MAGI2: variants seen among roughly 807,000 people sequenced by gnomAD.
The protein encoded by MAGI2 is membrane associated guanylate kinase, WW and PDZ domain containing 2, also known as membrane-associated guanylate kinase, WW and PDZ domain-containing protein 2.
In MAGI2, 35 loss-of-function variants were observed where a neutral mutation model predicts 133.3. The observed-to-expected ratio is 0.26, with a 90% CI of 0.20 to 0.35. The LOEUF (loss-of-function observed/expected upper bound fraction) is 0.35, where lower values mean the gene tolerates loss of function less well. MAGI2 is among the 10% of genes least tolerant of loss of function. The pLI is 1.00. For synonymous variants in MAGI2, 729 were observed against 710.6 expected (o/e 1.03, Z -0.41); for missense variants, 1,636 against 1,863.4 (o/e 0.88, Z 2.25).
intron 7 of MAGI2, among the ~76,000 whole-genome samples, chr7:78,367,928 CAGTT>C (rs1378454269): frequency 1.3e-5 from 2 of 152,058 alleles, no homozygotes; most frequent in East Asian, 3.8e-4. Flanking sequence ...TTTATTTTTG[CAGTT>C]AGAGATACCT....
intron 3 of MAGI2, among the ~76,000 whole-genome samples, chr7:78,573,247 AATAT>A (rs1218502563): frequency 2.2e-5 from 1 of 44,836 alleles, no homozygotes; most frequent in African/African-American, 1.0e-4. Context: ...TATATATATA[AATAT>A]ATATAAATAT....
intron 20 of MAGI2, among the ~76,000 whole-genome samples, chr7:78,108,693 T>C (rs1563131311): frequency 8.1e-6 from 1 of 122,970 alleles, no homozygotes; most frequent in Non-Finnish European, 2.0e-5. Flanking sequence ...TGTGAGTGTA[T>C]ACACACACAT....
At position 78,521,320 on chromosome 7, in the gene MAGI2, T is replaced by C. The variant is rs60845180; in HGVS notation, c.754+110A>G. Reference sequence around the variant, plus strand: ...GATGTAAGAAATATATATGTATATATTTATCTTACTATGTATCTGTATATA... The same window carrying C: ...GATGTAAGAAATATATATGTATATACTTATCTTACTATGTATCTGTATATA... On this transcript the variant is annotated intron_variant, in intron 4 of 21. Transcript: ENST00000354212. The C allele has an allele frequency of 0.042, 27,861 of 662,680 alleles. 1,006 individuals are homozygous for C. Among genetic ancestry groups the C allele is most frequent in the African/African-American group, 0.11 (6,067 of 55,044 alleles). The allele number at this position is 662,680 out of a possible 1,614,324, so 41.0% of individuals were successfully genotyped here.
chr7:78,465,307 A>C (rs1790505087), intron 6 of MAGI2, among the ~76,000 whole-genome samples: 2 of 152,286 alleles, frequency 1.3e-5, no homozygotes, highest in East Asian at 3.9e-4. Context: ...TAAATTATAG[A>C]CACTGGTATT....
At chr7:79,136,024 A>AGAAAGAAAGAAAGAAAGAAAGAAG (rs1554375928) in intron 1 of MAGI2, among the ~76,000 whole-genome samples, 4 of 127,018 alleles carry the variant, frequency 3.1e-5, no homozygotes, top group African/African-American at 1.5e-4. Context: ...AAAGAAAGAA[A>AGAAAGAAAGAAAGAAAGAAAGAAG]GAAGGAAAGA....
chr7:79,123,643 A>C (rs1309113504), intron 1 of MAGI2, among the ~76,000 whole-genome samples: 1 of 151,876 alleles, frequency 6.6e-6, no homozygotes, highest in Non-Finnish European at 1.5e-5. Context: ...AAAATTAGCC[A>C]GGCGTGGTGG....
At chr7:79,399,110 T>TTTTG (rs1554471869) in intron 1 of MAGI2, among the ~76,000 whole-genome samples, 2 of 146,208 alleles carry the variant, frequency 1.4e-5, no homozygotes, top group African/African-American at 2.6e-5. Context: ...TTTTTTTTTT[T>TTTTG]GGGAGATGGA....
intron 20 of MAGI2, among the ~76,000 whole-genome samples, chr7:78,110,311 C>G (rs1819226784): frequency 6.6e-6 from 1 of 152,184 alleles, no homozygotes; most frequent in Non-Finnish European, 1.5e-5. Flanking sequence ...GAGACTAATT[C>G]AGCTGATACC....
chr7:78,053,063 C>A (rs907028674), intron 21 of MAGI2, among the ~76,000 whole-genome samples: 1 of 152,116 alleles, frequency 6.6e-6, no homozygotes, highest in Non-Finnish European at 1.5e-5. Flanking sequence ...AAAATGGTTA[C>A]ATTTTTAAAA....
chr7:78,382,814 T>C (rs1200063483), intron 6 of MAGI2, among the ~76,000 whole-genome samples: 1 of 152,088 alleles, frequency 6.6e-6, no homozygotes, highest in Non-Finnish European at 1.5e-5. Flanking sequence ...TCTACCTCTA[T>C]ATGATCACAT....
At chr7:79,220,570 T>G (rs1366111527) in intron 1 of MAGI2, among the ~76,000 whole-genome samples, 1 of 151,874 alleles carries the variant, frequency 6.6e-6, no homozygotes, top group Non-Finnish European at 1.5e-5. Flanking sequence ...AAGAACCTCT[T>G]GGTTGGAAGT....
At chr7:78,785,712 T>C (rs910981740) in intron 2 of MAGI2, among the ~76,000 whole-genome samples, 2 of 152,214 alleles carry the variant, frequency 1.3e-5, no homozygotes, top group African/African-American at 4.8e-5. Flanking sequence ...TCTAACTTAT[T>C]TGAGCTAAGT....
intron 2 of MAGI2, among the ~76,000 whole-genome samples, chr7:78,943,743 G>A (rs1801178080): frequency 6.6e-6 from 1 of 152,022 alleles, no homozygotes; most frequent in South Asian, 2.1e-4. Flanking sequence ...TGCCTCGGTG[G>A]AGATAATTTC....
intron 3 of MAGI2, among the ~76,000 whole-genome samples, chr7:78,624,515 A>C (rs1409225106): frequency 6.6e-6 from 1 of 152,160 alleles, no homozygotes; most frequent in Non-Finnish European, 1.5e-5. Context: ...ATGGAGTCGG[A>C]AGCCATTGTC....
chr7:79,104,024 C>T (rs1178824188), intron 1 of MAGI2, among the ~76,000 whole-genome samples: 1 of 152,108 alleles, frequency 6.6e-6, no homozygotes, highest in African/African-American at 2.4e-5. Flanking sequence ...TAAGTGGTGG[C>T]TACATGGTTG....
At chr7:78,583,937 C>T (rs1803119724) in intron 3 of MAGI2, among the ~76,000 whole-genome samples, 1 of 152,156 alleles carries the variant, frequency 6.6e-6, no homozygotes, top group South Asian at 2.1e-4. Flanking sequence ...CATTGTCACC[C>T]TCTGCATTGA....
At chr7:78,570,123 A>G (rs371199970) in intron 3 of MAGI2, among the ~76,000 whole-genome samples, 6 of 152,212 alleles carry the variant, frequency 3.9e-5, no homozygotes, top group African/African-American at 7.2e-5. Context: ...TTTGGTGAAC[A>G]GATATGTACA....
intron 1 of MAGI2, among the ~76,000 whole-genome samples, chr7:79,368,025 C>T (rs756636939): frequency 2.0e-5 from 3 of 151,712 alleles, no homozygotes; most frequent in Non-Finnish European, 4.4e-5. Context: ...GAACTGGCCA[C>T]CAGGTTTGAG....
At chr7:79,080,622 C>T (rs1176696444) in intron 1 of MAGI2, among the ~76,000 whole-genome samples, 1 of 152,004 alleles carries the variant, frequency 6.6e-6, no homozygotes, top group East Asian at 1.9e-4. Context: ...AGGAGTGCTC[C>T]TATCTTCAAA....
Sources: allele counts gnomAD v4.1 joint callset (sites outside exome capture counted in the v4.1 genomes callset), GRCh38; gene constraint gnomAD v4.1.1; transcripts MANE v1.5; gene names NCBI Gene and HGNC (gene_info 2026-07-23, HGNC 2026-07-21).